TBC1D9: variants seen among roughly 807,000 people sequenced by gnomAD.
TBC1D9 encodes TBC1 domain family member 9A.
A neutral mutation model predicts 132.0 loss-of-function variants in TBC1D9; 63 were observed. The observed-to-expected ratio is 0.48, with a 90% CI of 0.39 to 0.59. The LOEUF (loss-of-function observed/expected upper bound fraction) is 0.59, where lower values mean the gene tolerates loss of function less well. Ranked by LOEUF, TBC1D9 falls within the 20% of genes least tolerant of loss-of-function variation. The probability of loss-of-function intolerance (pLI) is 0.00; values close to 1 mark genes in which losing one functional copy is unlikely to be tolerated. For synonymous variants in TBC1D9, 610 were observed against 609.9 expected (o/e 1.00, Z 0.00); for missense variants, 1,261 against 1,592.7 (o/e 0.79, Z 3.54).
chr4:140,658,457 C>T (rs1284536945), intron 11 of TBC1D9, among the ~76,000 whole-genome samples: 1 of 152,122 alleles, frequency 6.6e-6, no homozygotes, highest in African/African-American at 2.4e-5. Flanking sequence ...TATATGCAGT[C>T]CTTCCTCAGC....
intron 1 of TBC1D9, among the ~76,000 whole-genome samples, chr4:140,709,984 A>G (rs1181630182): frequency 2.0e-5 from 3 of 152,166 alleles, no homozygotes; most frequent in African/African-American, 4.8e-5. Context: ...CTGCAGCCTG[A>G]CAGTCAGGAA....
At chr4:140,653,373 C>G (rs962089474) in intron 13 of TBC1D9, among the ~76,000 whole-genome samples, 7 of 152,130 alleles carry the variant, frequency 4.6e-5, no homozygotes, top group African/African-American at 9.7e-5. Flanking sequence ...TGCCTGAGCC[C>G]AAACCAGATT....
rs372798452 is a variant in TBC1D9 at position 140,669,781 on chromosome 4, G to C, written c.1290C>G (p.Leu430=). 5 of 1,613,692 alleles carry C rather than the reference G, an allele frequency of 3.1e-6. No individual in the cohort carries two copies. In the African/African-American group the frequency reaches 5.3e-5, roughly 17 times the overall value. ...DDEVYSRPSS[L]VSSSPQRSTS... ...TGCTTCTCTGGGGGCTGGAGGAGAC[G>C]AGGCTGCTGGGTCGAGAGTACACCT... The change falls in exon 8 of 21, where the codon CTC becomes CTG. Residue 430 remains leucine, a synonymous_variant. Coordinates refer to ENST00000442267, the MANE Select transcript of TBC1D9 (RefSeq NM_015130.3).
chr4:140,656,509 C>T (rs767833509), intron 13 of TBC1D9, among the ~76,000 whole-genome samples: 1 of 152,138 alleles, frequency 6.6e-6, no homozygotes, highest in African/African-American at 2.4e-5. Flanking sequence ...TGCAAGTTAG[C>T]TCACTACAAC....
intron 1 of TBC1D9, among the ~76,000 whole-genome samples, chr4:140,736,888 G>T (rs1738681093): frequency 6.6e-6 from 1 of 152,194 alleles, no homozygotes; most frequent in Non-Finnish European, 1.5e-5. Context: ...AGCAGAATTA[G>T]CAAGAGGCAA....
At chr4:140,737,266 G>A (rs962115239) in intron 1 of TBC1D9, among the ~76,000 whole-genome samples, 1 of 151,996 alleles carries the variant, frequency 6.6e-6, no homozygotes, top group Non-Finnish European at 1.5e-5. Flanking sequence ...CCTAGTGAGG[G>A]GCCCCTGAGC....
chr4:140,662,085 T>C lies in TBC1D9; in HGVS notation c.1611A>G (p.Thr537=), dbSNP rs2111001589. 2 of 1,613,948 alleles carry C rather than the reference T, an allele frequency of 1.2e-6. No individual in the cohort carries two copies. ...LLSGAINEKA[T]HPGYYEDLVE... is the part of the protein sequence containing the mutation. ...CTAGGTCTTCATAGTACCCAGGATG[T>C]GTGGCCTTCTCATTGATGGCACCTG... is the stretch of plus-strand genomic sequence containing the variant. The change falls in exon 10 of 21, where the codon ACA becomes ACG. Residue 537 remains threonine (T), a synonymous_variant. Transcript: ENST00000442267.
At chr4:140,653,367 T>TGAGCCCAAACCA (rs1299399319) in intron 13 of TBC1D9, among the ~76,000 whole-genome samples, 2 of 152,206 alleles carry the variant, frequency 1.3e-5, no homozygotes, top group Non-Finnish European at 2.9e-5. Context: ...GTGTCATGCC[T>TGAGCCCAAACCA]GAGCCCAAAC....
At position 140,686,409 on chromosome 4, in the gene TBC1D9, A is replaced by G; in HGVS notation, c.295T>C (p.Leu99=). 6.2e-7 allele frequency: 1 copy of G among 1,611,442 alleles called. No individual in the cohort carries two copies. ...EHWEWLEQNL[L]QTLSIFENEN... Reference sequence around the variant, plus strand: ...TTTTCAAAGATGGAGAGTGTCTGCAAGAGATTTTGCTCAAGCCATTCCCAG... The same window carrying G: ...TTTTCAAAGATGGAGAGTGTCTGCAGGAGATTTTGCTCAAGCCATTCCCAG... The change falls in exon 3 of 21, where the codon TTG becomes CTG. Residue 99 remains leucine (L), a synonymous_variant. Coordinates refer to ENST00000442267, the MANE Select transcript of TBC1D9 (RefSeq NM_015130.3).
chr4:140,698,477 A>G (rs1003655700), intron 2 of TBC1D9, among the ~76,000 whole-genome samples: 2 of 152,188 alleles, frequency 1.3e-5, no homozygotes, highest in South Asian at 4.1e-4. Flanking sequence ...ATGGCCTGGT[A>G]CGGTGGCTCA....
intron 1 of TBC1D9, among the ~76,000 whole-genome samples, chr4:140,752,929 C>T (rs1458445762): frequency 6.6e-6 from 1 of 152,174 alleles, no homozygotes; most frequent in Non-Finnish European, 1.5e-5. Context: ...TGGGTGTACA[C>T]ATGTACACTG....
At chr4:140,685,728 G>A (rs918013561) in intron 3 of TBC1D9, among the ~76,000 whole-genome samples, 10 of 152,144 alleles carry the variant, frequency 6.6e-5, no homozygotes, top group Admixed American at 3.9e-4. Context: ...TAAATGTAGT[G>A]TTGTTATTTA....
At chr4:140,655,590 G>T (rs1026509777) in intron 13 of TBC1D9, among the ~76,000 whole-genome samples, 2 of 152,210 alleles carry the variant, frequency 1.3e-5, no homozygotes, top group Non-Finnish European at 2.9e-5. Flanking sequence ...ATCAGGAAAT[G>T]AAGAAACCAT....
chr4:140,754,479 T>A (rs1738972917), intron 1 of TBC1D9, among the ~76,000 whole-genome samples: 2 of 150,610 alleles, frequency 1.3e-5, no homozygotes, highest in African/African-American at 4.9e-5. Context: ...GCCGGGCGGG[T>A]TGGTGCATGC....
chr4:140,737,062 C>T (rs568848580), intron 1 of TBC1D9, among the ~76,000 whole-genome samples: 1 of 152,296 alleles, frequency 6.6e-6, no homozygotes, highest in East Asian at 1.9e-4. Flanking sequence ...CTCTGATCAT[C>T]AGGAATTAGA....
At chr4:140,681,134 T>C (rs1236193387) in intron 3 of TBC1D9, among the ~76,000 whole-genome samples, 1 of 152,128 alleles carries the variant, frequency 6.6e-6, no homozygotes, top group African/African-American at 2.4e-5. Flanking sequence ...GTCCCGTTAG[T>C]AACTGTGCTC....
At chr4:140,665,144 C>T (rs1737424156) in intron 9 of TBC1D9, among the ~76,000 whole-genome samples, 1 of 151,094 alleles carries the variant, frequency 6.6e-6, no homozygotes, top group African/African-American at 2.4e-5. Context: ...TCAAAATGAC[C>T]TAACTATAAG....
chr4:140,753,634 T>C (rs1046069371), intron 1 of TBC1D9, among the ~76,000 whole-genome samples: 2 of 152,208 alleles, frequency 1.3e-5, no homozygotes, highest in Admixed American at 6.5e-5. Context: ...GCCTCTATTT[T>C]TCGAAGTTGT....
At chr4:140,714,929 C>T (rs556180264) in intron 1 of TBC1D9, among the ~76,000 whole-genome samples, 5 of 152,104 alleles carry the variant, frequency 3.3e-5, no homozygotes, top group African/African-American at 9.6e-5. Flanking sequence ...GAGACCAGCT[C>T]GGGCAACACA....
Sources: gnomAD v4.1 joint callset for allele counts (sites outside exome capture counted in the v4.1 genomes callset) on GRCh38, gnomAD v4.1.1 for gene constraint, MANE v1.5 for transcripts, NCBI Gene and HGNC (gene_info 2026-07-23, HGNC 2026-07-21) for gene names.